Variants in PKD2L1 observed in about 807,000 individuals in gnomAD.
PKD2L1 encodes the protein polycystin-2-like protein 1.
PKD2L1 carries 77 observed loss-of-function variants against 93.0 expected under a neutral mutation model. The observed-to-expected ratio is 0.83, with a 90% CI of 0.69 to 1.00. The LOEUF is 1.00. PKD2L1 is among the 50% of genes least tolerant of loss of function. The pLI, the probability that PKD2L1 is intolerant of heterozygous loss-of-function variation, is 0.00. For synonymous variants in PKD2L1, 390 were observed against 388.0 expected (o/e 1.01, Z -0.06); for missense variants, 977 against 990.9 (o/e 0.99, Z 0.19).
chr10:100,297,535 C>T lies in PKD2L1; in HGVS notation c.803G>A (p.Gly268Asp), dbSNP rs745458428. Residue 268 changes from glycine to aspartate, a missense_variant, in exon 5 of 16, where the codon GGT becomes GAT. Transcript: ENST00000318222. ...HWGRLTSYSG[G>D]GYYLDLPGSR... ...TCCTGGAAGGTCCAGGTAGTAGCCACCTCCGCTGTAGCTTGTGAGCCTGCC... is the reference window on the plus strand; with the variant it reads ...TCCTGGAAGGTCCAGGTAGTAGCCATCTCCGCTGTAGCTTGTGAGCCTGCC... 3.1e-6 allele frequency: 5 copies of T among 1,614,048 alleles called. No homozygotes were observed. The Admixed American group carries it at 5.0e-5, about 16-fold the overall frequency.
Position 100,290,453 on chromosome 10 carries a change from C to G in PKD2L1, c.2074G>C (p.Gly692Arg). The G allele has an allele frequency of 1.2e-6, 2 of 1,613,756 alleles. No homozygotes were observed. Among genetic ancestry groups the G allele is most frequent in the South Asian group, 1.1e-5 (1 of 91,078 alleles). ...SIVSSPQGKS[G>R]PEAARAGGWV... is the part of the protein sequence containing the mutation. ...CCTCCTGCTCTGGCAGCCTCTGGACCCGATTTGCCTTGTGGGCTGCTCACA... is the reference window on the plus strand; with the variant it reads ...CCTCCTGCTCTGGCAGCCTCTGGACGCGATTTGCCTTGTGGGCTGCTCACA... The change falls in exon 13 of 16, where the codon GGT (glycine) becomes CGT (arginine). Residue 692 changes from glycine to arginine, a missense_variant. By Grantham distance (125) the Gly-to-Arg change is moderately radical. Transcript: ENST00000318222.
At chr10:100,308,797 A>T (rs1460609697) in intron 2 of PKD2L1, among the ~76,000 whole-genome samples, 1 of 152,246 alleles carries the variant, frequency 6.6e-6, no homozygotes, top group Non-Finnish European at 1.5e-5. Context: ...AATCCTTCTG[A>T]TTAAGGATTC....
At chr10:100,325,220 T>C (rs1172287800) in intron 2 of PKD2L1, among the ~76,000 whole-genome samples, 1 of 152,206 alleles carries the variant, frequency 6.6e-6, no homozygotes, top group African/African-American at 2.4e-5. Flanking sequence ...ACCTAAAGCA[T>C]TCTTTTTGCC....
chr10:100,313,087 T>C (rs1302043202), intron 2 of PKD2L1, among the ~76,000 whole-genome samples: 1 of 152,170 alleles, frequency 6.6e-6, no homozygotes, highest in Admixed American at 6.6e-5. Context: ...CAGCGGTGAT[T>C]CCACACGCTC....
chr10:100,294,419 C>T, intron 9 of PKD2L1, 116 bp downstream of exon 9: 2 of 1,083,662 alleles, frequency 1.8e-6, no homozygotes, highest in South Asian at 1.4e-5. Flanking sequence ...TCGGCCCCCC[C>T]ACTCACTCTC....
At chr10:100,320,894 C>T (rs566308632) in intron 2 of PKD2L1, among the ~76,000 whole-genome samples, 8 of 152,236 alleles carry the variant, frequency 5.3e-5, no homozygotes, top group Non-Finnish European at 5.9e-5. Flanking sequence ...ATCTTTTGCC[C>T]TCGTGGTAAT....
intron 2 of PKD2L1, among the ~76,000 whole-genome samples, chr10:100,307,040 T>C (rs1848819984): frequency 1.3e-5 from 2 of 152,032 alleles, no homozygotes; most frequent in African/African-American, 2.4e-5. Flanking sequence ...GAACGCCTGG[T>C]TCAAAGATTT....
rs545682351 is a variant in PKD2L1, at chr10:100,307,501, A to G, written c.350-7783T>C. 2.6e-5 allele frequency among the ~76,000 whole-genome samples: 4 copies of G among 152,258 alleles called. No homozygotes were observed. In the East Asian group the frequency reaches 5.8e-4, roughly 22 times the overall value. ...CTGGGAGACCTTGTCTCTACAAAAT[A>G]TTTTTAAAATTAGCCAGGCTTGGTG... On this transcript the variant is annotated intron_variant, in intron 2 of 15. Transcript: ENST00000318222.
At chr10:100,321,415 G>A (rs992898128) in intron 2 of PKD2L1, among the ~76,000 whole-genome samples, 2 of 151,298 alleles carry the variant, frequency 1.3e-5, no homozygotes, top group African/African-American at 2.4e-5. Flanking sequence ...AGCCGAGATC[G>A]CGCCACTGCA....
intron 6 of PKD2L1, 38 bp downstream of exon 6, chr10:100,296,942 C>A: frequency 7.1e-7 from 1 of 1,414,846 alleles, no homozygotes; most frequent in South Asian, 1.2e-5. Context: ...TCCCTCCTCA[C>A]CCCAGAATGT....
rs541579283 is a variant in PKD2L1 at position 100,307,426 on chromosome 10, G to A, written c.350-7708C>T. The stretch of plus-strand genomic sequence containing the variant: ...TCATCCCAACACTTTAGGAGGCCAA[G>A]GCTTGAGGATCACTTGAGCCCGGGA... On this transcript the variant is annotated intron_variant, in intron 2 of 15. Transcript: ENST00000318222. Among the ~76,000 whole-genome samples, 7 of 152,326 alleles carry A rather than the reference G, an allele frequency of 4.6e-5. No individual in the cohort carries two copies. In the East Asian group the frequency reaches 1.3e-3, roughly 29 times the overall value.
At chr10:100,307,034 G>A (rs567094893) in intron 2 of PKD2L1, among the ~76,000 whole-genome samples, 6 of 152,072 alleles carry the variant, frequency 3.9e-5, no homozygotes, top group South Asian at 2.1e-4. Context: ...TAACTGGAAC[G>A]CCTGGTTCAA....
chr10:100,296,281 C>T lies in PKD2L1; in HGVS notation c.1197G>A (p.Val399=), dbSNP rs1339178447. ...LDLVVILLSI[V]AVGFHIFRTL... ...TTCGGAATATGTGGAAGCCCACAGC[C>T]ACAATGGAGAGCTGTCACACAGGGG... is the stretch of plus-strand genomic sequence containing the variant. The change falls in exon 7 of 16, where the codon GTG becomes GTA. Residue 399 remains valine, a synonymous_variant. Transcript: ENST00000318222. The T allele has an allele frequency of 6.3e-7, 1 of 1,593,788 alleles. No homozygotes were observed.
chr10:100,321,203 T>C (rs1343436052), intron 2 of PKD2L1, among the ~76,000 whole-genome samples: 1 of 152,088 alleles, frequency 6.6e-6, no homozygotes, highest in African/African-American at 2.4e-5. Flanking sequence ...CTCACGCCTG[T>C]AATCCCAGCA....
In PKD2L1 at chr10:100,330,059, C is replaced by G; in HGVS notation, c.45G>C (p.Leu15=). The change falls in exon 1 of 16, where the codon CTG becomes CTC. Residue 15 remains leucine (L), a synonymous_variant. Transcript: ENST00000318222. ...GSPEGQELQK[L]GSGAWDNPAY... ...CGGGGTTGTCCCAGGCTCCACTCCCCAGCTTTTGCAGCTCCTGCCCCTCAG... is the reference window on the plus strand; with the variant it reads ...CGGGGTTGTCCCAGGCTCCACTCCCGAGCTTTTGCAGCTCCTGCCCCTCAG... The G allele has an allele frequency of 6.2e-7, 1 of 1,605,672 alleles. No homozygotes were observed. The highest frequency in any genetic ancestry group is 1.7e-4 in the Middle Eastern group (1 of 6,010).
chr10:100,296,827 T>A (rs892079089), intron 6 of PKD2L1, among the ~76,000 whole-genome samples, 153 bp downstream of exon 6: 3 of 151,484 alleles, frequency 2.0e-5, no homozygotes, highest in African/African-American at 7.3e-5. Flanking sequence ...GAGGGGAACA[T>A]GTCCCTCTCA....
chr10:100,313,017 C>T (rs1186509139), intron 2 of PKD2L1, among the ~76,000 whole-genome samples: 1 of 152,082 alleles, frequency 6.6e-6, no homozygotes, highest in Non-Finnish European at 1.5e-5. Context: ...GCTGAAGACA[C>T]CAACTGTAGT....
chr10:100,292,865 G>A (rs1848433990), intron 11 of PKD2L1, 83 bp downstream of exon 11: 2 of 1,440,002 alleles, frequency 1.4e-6, no homozygotes, highest in Non-Finnish European at 9.4e-7. Flanking sequence ...TAAAACCAAA[G>A]GCTTATAAGC....
chr10:100,288,946 C>T (rs1848341896), intron 15 of PKD2L1, 26 bp downstream of exon 15: 1 of 1,501,798 alleles, frequency 6.7e-7, no homozygotes, highest in Non-Finnish European at 9.1e-7. Context: ...AGCCTGCTGT[C>T]TGATGCTTTA....
Sources: gnomAD v4.1 joint callset for allele counts (sites outside exome capture counted in the v4.1 genomes callset) on GRCh38, gnomAD v4.1.1 for gene constraint, MANE v1.5 for transcripts, NCBI Gene and HGNC (gene_info 2026-07-23, HGNC 2026-07-21) for gene names.